The following NOTCH1 variants were observed in gnomAD, a reference collection of about 807,000 sequenced individuals.
NOTCH1 encodes neurogenic locus notch homolog protein 1.
Under a neutral mutation model 254.8 loss-of-function variants are expected in NOTCH1, and 37 were observed. The observed-to-expected ratio is 0.15, with a 90% CI of 0.11 to 0.19. The LOEUF is 0.19. NOTCH1 is among the 10% of genes least tolerant of loss of function. The pLI is 1.00. For synonymous variants in NOTCH1, 1,731 were observed against 1,618.1 expected, an observed-to-expected ratio of 1.07 and a Z score of -1.68; for missense variants, 2,972 against 3,708.6, an observed-to-expected ratio of 0.80 and a Z score of 5.16.
rs1400804279 is a variant in NOTCH1 at position 136,502,349 on chromosome 9, G to A, written c.5307C>T (p.Phe1769=). 6.2e-7 allele frequency: 1 copy of A among 1,612,478 alleles called. No individual in the cohort carries two copies. The highest frequency in any genetic ancestry group is 2.2e-5 in the East Asian group (1 of 44,872). The change falls in exon 28 of 34, where the codon TTC becomes TTT. Residue 1769 remains phenylalanine (F), a synonymous_variant. Transcript: ENST00000651671. Reference sequence around the variant, plus strand: ...CCTCAGACACTTTGAAGCCCTCAGGGAACCAGAGCTGGCCATGCTGCCGCC... The same window carrying A: ...CCTCAGACACTTTGAAGCCCTCAGGAAACCAGAGCTGGCCATGCTGCCGCC... ...KRRRQHGQLW[F]PEGFKVSEAS... is the part of the protein sequence containing the mutation.
chr9:136,497,613 TC>T, intron 33 of NOTCH1, 55 bp from the exon 34 acceptor site: 1 of 1,442,078 alleles, frequency 6.9e-7, no homozygotes, highest in Non-Finnish European at 9.3e-7. Flanking sequence ...GTGGGGACCC[TC>T]CCCAAGGTTC....
intron 26 of NOTCH1, 65 bp from the exon 27 acceptor site, chr9:136,503,395 G>A (rs547410149): frequency 1.2e-6 from 2 of 1,608,586 alleles, no homozygotes; most frequent in Non-Finnish European, 1.7e-6. Flanking sequence ...ACCGGCCAGG[G>A]ATGCTGCCGC....
rs775739575 is a variant in NOTCH1, at chr9:136,509,744, G to A, written c.2958C>T (p.Asp986=). The change falls in exon 18 of 34, where the codon GAC becomes GAT. Residue 986 remains aspartate, a synonymous_variant. Coordinates refer to ENST00000651671, the MANE Select transcript of NOTCH1 (RefSeq NM_017617.5). ...SGIHCENNTP[D]CTESSCFNGG... is the part of the protein sequence containing the mutation. ...CGAGCCCCGCACACCTCTCTGTGCA[G>A]TCAGGCGTGTTGTTCTCACAGTGGA... 1.9e-6 allele frequency: 3 copies of A among 1,612,864 alleles called. No individual in the cohort carries two copies. The East Asian group carries it at 6.7e-5, about 36-fold the overall frequency.
rs750183248 is a variant in NOTCH1, at chr9:136,505,486, G to A, written c.4410C>T (p.His1470=). Residue 1470 remains histidine, a synonymous_variant, in exon 25 of 34, where the codon CAC becomes CAT. Coordinates refer to ENST00000651671, the MANE Select transcript of NOTCH1 (RefSeq NM_017617.5). The part of the protein sequence containing the change: ...NKVCSLQCNN[H]ACGWDGGDCS... ...AGTCACCGCCGTCCCAGCCGCACGC[G>A]TGGTTGTTGCACTGCAGGCTGCAGA... 22 of 1,612,832 alleles carry A rather than the reference G, an allele frequency of 1.4e-5. 1 individual carries two copies. The highest frequency in any genetic ancestry group is 1.1e-4 in the East Asian group (5 of 44,888).
At chr9:136,515,138 C>A in intron 12 of NOTCH1, 152 bp downstream of exon 12, 1 of 732,068 alleles carries the variant, frequency 1.4e-6, no homozygotes, top group Admixed American at 2.0e-5. Flanking sequence ...AGTTATAGCC[C>A]TGGTCCCGCT....
rs1843082021 is a variant in NOTCH1 at position 136,506,184 on chromosome 9, C to G, written c.4015-303G>C. Among the ~76,000 whole-genome samples the G allele has an allele frequency of 6.6e-6, 1 of 152,068 alleles. No homozygotes were observed. The highest frequency in any genetic ancestry group is 6.5e-5 in the Admixed American group (1 of 15,280). On this transcript the variant is annotated intron_variant, in intron 24 of 33. Transcript: ENST00000651671. This position sits in a 1 kb window ranked among gnomAD's most constrained non-coding sequence, Gnocchi z 4.5. ...GGCATGTCATACCTCAGCCCAAACC[C>G]ACAACCACAAAGCCAAGGGCAAGCC...
intron 2 of NOTCH1, among the ~76,000 whole-genome samples, chr9:136,524,619 G>A (rs1311281993): frequency 6.6e-6 from 1 of 150,536 alleles, no homozygotes; most frequent in Non-Finnish European, 1.5e-5. Context: ...TTCCTACGTG[G>A]AAGCCTTTCT....
At chr9:136,509,694 G>A (rs376527097) in intron 18 of NOTCH1, 39 bp downstream of exon 18, 34 of 1,585,132 alleles carry the variant, frequency 2.1e-5, no homozygotes, top group African/African-American at 1.7e-4. Flanking sequence ...GGCCCGCACC[G>A]CCCGTTCCCT....
rs1387879416 is a variant in NOTCH1, at chr9:136,510,748, G to A, written c.2645C>T (p.Ala882Val). 6 of 1,610,684 alleles carry A rather than the reference G, an allele frequency of 3.7e-6. No homozygotes were observed. The highest frequency in any genetic ancestry group is 5.1e-6 in the Non-Finnish European group (6 of 1,179,876). Reference sequence around the variant, plus strand: ...GCCGCCGTGGGTGTTCTGGCAGGATGCGCCGTGCCGGCACGGGCTCAGAAC... The same window carrying A: ...GCCGCCGTGGGTGTTCTGGCAGGATACGCCGTGCCGGCACGGGCTCAGAAC... ...ECVLSPCRHG[A>V]SCQNTHGGYR... Residue 882 changes from alanine to valine, a missense_variant, in exon 17 of 34, where the codon GCA (alanine) becomes GTA (valine). Ala to Val is a moderately conservative substitution (Grantham distance 64, BLOSUM62 0). This residue lies in a region of NOTCH1 where 1,343 missense variants were observed against 1,557.0 expected (regional missense o/e 0.86). Coordinates refer to ENST00000651671, the MANE Select transcript of NOTCH1 (RefSeq NM_017617.5).
chr9:136,534,358 G>C (rs11145771), intron 2 of NOTCH1, among the ~76,000 whole-genome samples: 80,327 of 151,710 alleles, frequency 0.53, 23,523 homozygotes, highest in East Asian at 0.8. Flanking sequence ...AATGGACTCC[G>C]AGGCCAGGGG....
chr9:136,510,116 C>G (rs1039269883), intron 17 of NOTCH1, among the ~76,000 whole-genome samples, 155 bp from the exon 18 acceptor site: 1 of 152,210 alleles, frequency 6.6e-6, no homozygotes, highest in Non-Finnish European at 1.5e-5. Context: ...TGGGGAGCCC[C>G]AGCACCCACA....
In NOTCH1 at chr9:136,506,759, C is replaced by T. The variant is rs1564191909; in HGVS notation, c.3858G>A (p.Gln1286=). 6.2e-7 allele frequency: 1 copy of T among 1,606,578 alleles called. No homozygotes were observed. The highest frequency in any genetic ancestry group is 1.7e-5 in the Admixed American group (1 of 59,182). Residue 1286 remains glutamine (Q), a synonymous_variant, in exon 23 of 34, where the codon CAG becomes CAA. Coordinates refer to ENST00000651671, the MANE Select transcript of NOTCH1 (RefSeq NM_017617.5). This position sits in a 1 kb window ranked among gnomAD's most constrained non-coding sequence, Gnocchi z 4.5. The part of the protein sequence containing the change: ...CDARGTQNCV[Q]RVNDFHCECR... ...ACTCGCAGTGGAAGTCATTGACGCG[C>T]TGCACGCAGTTCTGGGTGCCACGGG...
chr9:136,544,792 A>T (rs1843787854), intron 1 of NOTCH1, among the ~76,000 whole-genome samples: 2 of 151,932 alleles, frequency 1.3e-5, no homozygotes, highest in Non-Finnish European at 2.9e-5. Context: ...GGCAGCCCCC[A>T]TACACCCACA....
intron 30 of NOTCH1, 58 bp downstream of exon 30, chr9:136,501,690 G>A (rs1362616513): frequency 1.3e-6 from 2 of 1,593,050 alleles, no homozygotes; most frequent in African/African-American, 2.7e-5. Context: ...TCGGGGCTTA[G>A]GGGAGAGAGG....
intron 21 of NOTCH1, 116 bp from the exon 22 acceptor site, chr9:136,507,553 A>T (rs1016062748): frequency 7.1e-7 from 1 of 1,414,620 alleles, no homozygotes; most frequent in African/African-American, 1.4e-5. Context: ...GGTCCAGCGA[A>T]GCCACGGGCC....
At position 136,503,311 on chromosome 9, in the gene NOTCH1, T is replaced by C; in HGVS notation, c.5038A>G (p.Ile1680Val). The C allele has an allele frequency of 2.5e-6, 4 of 1,612,842 alleles. No individual in the cohort carries two copies. In the South Asian group the frequency reaches 4.4e-5, roughly 18 times the overall value. ...DVRGSIVYLE[I>V]DNRQCVQASS... is the part of the protein sequence containing the mutation. ...GCCTGCACACACTGCCGGTTGTCAA[T>C]CTCCAGGTAGACGATGGAGCTGGGC... Residue 1680 changes from isoleucine (I) to valine (V), a missense_variant, in exon 27 of 34, where the codon ATT becomes GTT. Ile to Val is a conservative substitution (Grantham distance 29, BLOSUM62 3). This residue lies in a region of NOTCH1 where 421 missense variants were observed against 604.4 expected (regional missense o/e 0.70). Transcript: ENST00000651671.
chr9:136,523,670 G>C (rs749723949), intron 3 of NOTCH1, 47 bp downstream of exon 3: 1 of 1,562,854 alleles, frequency 6.4e-7, no homozygotes, highest in Non-Finnish European at 8.7e-7. Flanking sequence ...GGCAGCTGGC[G>C]GCGGGCCTGG....
chr9:136,511,420 G>T, intron 15 of NOTCH1, 149 bp from the exon 16 acceptor site: 1 of 971,958 alleles, frequency 1.0e-6, no homozygotes, highest in Non-Finnish European at 1.5e-6. Flanking sequence ...GAGCGCTCCC[G>T]GCTGTGCCAG....
In NOTCH1 at chr9:136,518,096, T is replaced by C. The variant is rs748867111; in HGVS notation, c.1255+41A>G. 5 of 1,562,844 alleles carry C rather than the reference T, an allele frequency of 3.2e-6. No individual in the cohort carries two copies. In the East Asian group the frequency reaches 1.2e-4, roughly 37 times the overall value. On this transcript the variant is annotated intron_variant, in intron 7 of 33. Coordinates refer to ENST00000651671, the MANE Select transcript of NOTCH1 (RefSeq NM_017617.5). ...CTTCTCATCGGTTCTGGGGCCAGGC[T>C]GCCACCCCCACCTGGCCGCACCCCC...
Sources: allele counts gnomAD v4.1 joint callset (sites outside exome capture counted in the v4.1 genomes callset), GRCh38; gene constraint gnomAD v4.1.1; regional missense constraint gnomAD v4.1.1; non-coding constraint Gnocchi (gnomAD v3.1); transcripts MANE v1.5; gene names NCBI Gene and HGNC (gene_info 2026-07-23, HGNC 2026-07-21).